The following FBRS variants were observed in gnomAD, a reference collection of about 807,000 sequenced individuals.
The protein encoded by FBRS is fibrosin.
FBRS carries 15 observed loss-of-function variants against 86.1 expected under a neutral mutation model. The observed-to-expected ratio is 0.17, with a 90% CI of 0.12 to 0.27. The LOEUF is 0.27. Among genes scored for constraint, FBRS ranks in the 10% least tolerant of loss-of-function variants. The pLI, the probability that FBRS is intolerant of heterozygous loss-of-function variation, is 1.00. For synonymous variants in FBRS, 666 were observed against 575.8 expected, an observed-to-expected ratio of 1.16 and a Z score of -2.24; for missense variants, 1,367 against 1,301.6, an observed-to-expected ratio of 1.05 and a Z score of -0.77.
chr16:30,666,668 CAG>C (rs775811863), intron 12 of FBRS, 127 bp downstream of exon 12: 78 of 1,478,956 alleles, frequency 5.3e-5, no homozygotes, highest in Middle Eastern at 1.7e-4. Flanking sequence ...TGTGGAACAG[CAG>C]AGAGTGAGGG....
In FBRS at chr16:30,660,398, G is replaced by A; in HGVS notation, c.595G>A (p.Gly199Arg). 1 of 1,261,714 alleles carries A rather than the reference G, an allele frequency of 7.9e-7. No individual in the cohort carries two copies. The highest frequency in any genetic ancestry group is 1.0e-6 in the Non-Finnish European group (1 of 994,182). 78.2% of individuals were successfully genotyped at this position (1,261,714 alleles called of 1,614,324 possible). The change falls in exon 2 of 18, where the codon GGG (glycine) becomes AGG (arginine). Residue 199 changes from glycine to arginine, a missense_variant. Physicochemically the swap from Gly to Arg is moderately radical, Grantham distance 125 (BLOSUM62 -2). Around this residue, in one of 3 missense-constraint regions of FBRS, gnomAD observed 702 missense variants for 598.7 expected, o/e 1.17. Coordinates refer to ENST00000356166, the MANE Select transcript of FBRS (RefSeq NM_001105079.3). ...TGATCGAGAGCCTGGCCGGCCCCCT[G>A]GGGATCGGGCCCGAAAATGGCCCAA... The part of the protein sequence containing the change: ...SSDREPGRPP[G>R]DRARKWPNKR...
chr16:30,661,877 T>C (rs2151266912), intron 4 of FBRS: 1 of 177,386 alleles, frequency 5.6e-6, no homozygotes, highest in East Asian at 1.6e-4. Flanking sequence ...GATGTGTGTC[T>C]TGTTTTTGTT....
chr16:30,664,419 C>T lies in FBRS; in HGVS notation c.1260C>T (p.His420=). ...PGLRPPPPPH[H]PSLFSPGPTL... is the part of the protein sequence containing the mutation. The stretch of plus-strand genomic sequence containing the variant: ...TGCGGCCCCCCCCACCACCCCACCA[C>T]CCCTCCTTGTTCTCCCCTGGCCCCA... Residue 420 remains histidine (H), a synonymous_variant, in exon 7 of 18, where the codon CAC becomes CAT. Coordinates refer to ENST00000356166, the MANE Select transcript of FBRS (RefSeq NM_001105079.3). 1 of 1,419,176 alleles carries T rather than the reference C, an allele frequency of 7.0e-7. No individual in the cohort carries two copies. Among genetic ancestry groups the T allele is most frequent in the South Asian group, 1.4e-5 (1 of 69,530 alleles). 87.9% of individuals were successfully genotyped at this position (1,419,176 alleles called of 1,614,324 possible).
Position 30,665,920 on chromosome 16 carries a change from G to C in FBRS, c.1773+214G>C. On this transcript the variant is annotated intron_variant, in intron 11 of 17. Transcript: ENST00000356166. The surrounding 1 kb of genome is among the most constrained non-coding windows in gnomAD (Gnocchi z 4.1). ...GCTTGTCCCAGAAATAGGATGATTA[G>C]GACAATGGTTTTTGTAGTGGTTTTC... is the stretch of plus-strand genomic sequence containing the variant. The C allele has an allele frequency of 1.9e-6, 1 of 537,212 alleles. No homozygotes were observed. Among genetic ancestry groups the C allele is most frequent in the Middle Eastern group, 3.9e-4 (1 of 2,574 alleles). 33.3% of individuals were successfully genotyped at this position (537,212 alleles called of 1,614,324 possible). A position where few individuals can be genotyped will look rare whatever the true frequency, so the allele number is the denominator to read the frequency against.
At chr16:30,660,517 C>A (rs1596612792) in intron 2 of FBRS, 75 bp downstream of exon 2, 1 of 1,256,864 alleles carries the variant, frequency 8.0e-7, no homozygotes, top group Non-Finnish European at 1.0e-6. Flanking sequence ...AACGCCACTG[C>A]CCCTTGTAAA....
In FBRS at chr16:30,667,581, C is replaced by G; in HGVS notation, c.2033C>G (p.Pro678Arg). 6.5e-7 allele frequency: 1 copy of G among 1,542,932 alleles called. No individual in the cohort carries two copies. Among genetic ancestry groups the G allele is most frequent in the Non-Finnish European group, 8.8e-7 (1 of 1,142,852 alleles). Residue 678 changes from proline to arginine, a missense_variant, in exon 15 of 18, where the codon CCC becomes CGC. This residue lies in a region of FBRS where 659 missense variants were observed against 678.8 expected (regional missense o/e 0.97). Transcript: ENST00000356166. ...GCAGCCAACCCTTTCACGGCAGCTCCCGGGGCCCACGGACCCTTCCTGAGC... is the reference window on the plus strand; with the variant it reads ...GCAGCCAACCCTTTCACGGCAGCTCGCGGGGCCCACGGACCCTTCCTGAGC... ...HAAANPFTAA[P>R]GAHGPFLSPS...
intron 13 of FBRS, 90 bp from the exon 14 acceptor site, chr16:30,667,230 C>A: frequency 8.7e-7 from 1 of 1,154,604 alleles, no homozygotes; most frequent in South Asian, 1.5e-5. Flanking sequence ...GGGTGCCAGC[C>A]AGCCTTTGGA....
intron 11 of FBRS, 198 bp from the exon 12 acceptor site, chr16:30,666,314 G>A: frequency 1.5e-6 from 1 of 680,260 alleles, no homozygotes; most frequent in South Asian, 1.9e-5. Flanking sequence ...CTGGGGCTTG[G>A]TTCAGAAACC....
In FBRS at chr16:30,665,139, C is replaced by A; in HGVS notation, c.1608+60C>A. On this transcript the variant is annotated intron_variant, in intron 9 of 17. Coordinates refer to ENST00000356166, the MANE Select transcript of FBRS (RefSeq NM_001105079.3). This position sits in a 1 kb window ranked among gnomAD's most constrained non-coding sequence, Gnocchi z 4.1. Reference sequence around the variant, plus strand: ...TGGTGTGGGCGTGGATGCATCCATGCTTGTGACCCTGACTGCTGGGGTCCA... The same window carrying A: ...TGGTGTGGGCGTGGATGCATCCATGATTGTGACCCTGACTGCTGGGGTCCA... The A allele has an allele frequency of 6.3e-7, 1 of 1,584,702 alleles. No homozygotes were observed. The highest frequency in any genetic ancestry group is 8.6e-7 in the Non-Finnish European group (1 of 1,166,062).
Position 30,670,239 on chromosome 16 carries a change from G to C in FBRS, c.*594G>C, listed in dbSNP as rs972779020. The C allele has an allele frequency of 4.4e-6, 2 of 457,162 alleles. No individual in the cohort carries two copies. Among genetic ancestry groups the C allele is most frequent in the African/African-American group, 2.0e-5 (1 of 50,014 alleles). 28.3% of individuals were successfully genotyped at this position (457,162 alleles called of 1,614,324 possible). A position where few individuals can be genotyped will look rare whatever the true frequency, so the allele number is the denominator to read the frequency against. On this transcript the variant is annotated 3_prime_UTR_variant, in exon 18 of 18. Transcript: ENST00000356166. The stretch of plus-strand genomic sequence containing the variant: ...TCTCTGTGGGGAAAGGGGACTGCAG[G>C]GGGAAGAGCCGGGAAGGGACAGTCA...
At chr16:30,668,439 T>C in intron 15 of FBRS, 121 bp from the exon 16 acceptor site, 5 of 821,978 alleles carry the variant, frequency 6.1e-6, no homozygotes, top group Non-Finnish European at 1.0e-5. Flanking sequence ...GCTCAGCACA[T>C]GGCTGCTGAA....
Position 30,669,858 on chromosome 16 carries a change from T to A in FBRS, c.*213T>A. On this transcript the variant is annotated 3_prime_UTR_variant, in exon 18 of 18. Coordinates refer to ENST00000356166, the MANE Select transcript of FBRS (RefSeq NM_001105079.3). This position sits in a 1 kb window ranked among gnomAD's most constrained non-coding sequence, Gnocchi z 5.9. ...CTGGGAGAGCAGAGGTCACAGCCTC[T>A]AGAGAAGGGAGAGGGGCGTGTGCAT... 1.5e-6 allele frequency: 1 copy of A among 665,572 alleles called. No individual in the cohort carries two copies. The highest frequency in any genetic ancestry group is 2.5e-6 in the Non-Finnish European group (1 of 398,964). The allele number at this position is 665,572 out of a possible 1,614,324, so 41.2% of individuals were successfully genotyped here.
At position 30,667,552 on chromosome 16, in the gene FBRS, C is replaced by T. The variant is rs539429225; in HGVS notation, c.2004C>T (p.His668=). 15 of 1,540,078 alleles carry T rather than the reference C, an allele frequency of 9.7e-6. No individual in the cohort carries two copies. The highest frequency in any genetic ancestry group is 1.7e-4 in the Middle Eastern group (1 of 5,922). Residue 668 remains histidine, a synonymous_variant, in exon 15 of 18, where the codon CAC becomes CAT. Transcript: ENST00000356166. ...ACCTCTCTGCCCCAGGTGCCGTCCA[C>T]GCTGCAGCCAACCCTTTCACGGCAG... ...ASLFTATGAV[H]AAANPFTAAP...
At position 30,662,817 on chromosome 16, in the gene FBRS, G is replaced by A. The variant is rs745635728; in HGVS notation, c.1013G>A (p.Arg338His). 2.1e-4 allele frequency: 308 copies of A among 1,471,008 alleles called. No individual in the cohort carries two copies. Among genetic ancestry groups the A allele is most frequent in the Admixed American group, 6.6e-4 (26 of 39,402 alleles). 91.1% of individuals were successfully genotyped at this position (1,471,008 alleles called of 1,614,324 possible). The change falls in exon 6 of 18, where the codon CGC becomes CAC. Residue 338 changes from arginine to histidine, a missense_variant. Physicochemically the swap from Arg to His is conservative, Grantham distance 29. Coordinates refer to ENST00000356166, the MANE Select transcript of FBRS (RefSeq NM_001105079.3). ...CTTCGGGTCTCACCCTTCGGCCTCC[G>A]CACTTCTCCATATGGCAGCAGCCTG... ...LQLRVSPFGL[R>H]TSPYGSSLDL...
Position 30,658,946 on chromosome 16 carries a change from T to TA in FBRS, c.-570dup, listed in dbSNP as rs2052418522. On this transcript the variant is annotated 5_prime_UTR_variant, in exon 1 of 18. Transcript: ENST00000356166. The stretch of plus-strand genomic sequence containing the variant: ...CACAAGAAGTCTTTTAAATTCAACT[T>TA]AAAGGGGAAGTGGCCGCTTGTGGAG... 1 of 152,034 alleles carries TA rather than the reference T, an allele frequency of 6.6e-6. No homozygotes were observed. The highest frequency in any genetic ancestry group is 2.4e-5 in the African/African-American group (1 of 41,372). The allele number at this position is 152,034 out of a possible 1,614,324, so 9.4% of individuals were successfully genotyped here.
Position 30,669,490 on chromosome 16 carries a change from G to GCTC in FBRS, c.2793_2795dup (p.Pro935dup). 1 of 1,613,226 alleles carries GCTC rather than the reference G, an allele frequency of 6.2e-7. No individual in the cohort carries two copies. The highest frequency in any genetic ancestry group is 1.6e-4 in the Middle Eastern group (1 of 6,062). On this transcript the variant is annotated inframe_insertion, in exon 18 of 18. Transcript: ENST00000356166. This position sits in a 1 kb window ranked among gnomAD's most constrained non-coding sequence, Gnocchi z 5.9. ...TCACCCCTTGCTCTACAGCCGCTTG[G>GCTC]CTCCTCCACCACCACCTGCTGCGGC...
Position 30,665,183 on chromosome 16 carries a change from A to G in FBRS, c.1608+104A>G. On this transcript the variant is annotated intron_variant, in intron 9 of 17. Transcript: ENST00000356166. This position sits in a 1 kb window ranked among gnomAD's most constrained non-coding sequence, Gnocchi z 4.1. Reference sequence around the variant, plus strand: ...GGGTCCAGTCTTCAGCACAAAAGCAAGAGCCTTGAGCCTGGGACAGCTCCC... The same window carrying G: ...GGGTCCAGTCTTCAGCACAAAAGCAGGAGCCTTGAGCCTGGGACAGCTCCC... 2 of 1,532,018 alleles carry G rather than the reference A, an allele frequency of 1.3e-6. No homozygotes were observed. Among genetic ancestry groups the G allele is most frequent in the South Asian group, 2.4e-5 (2 of 82,008 alleles). The allele number at this position is 1,532,018 out of a possible 1,614,324, so 94.9% of individuals were successfully genotyped here.
intron 1 of FBRS, 103 bp downstream of exon 1, chr16:30,660,080 C>T (rs2052438483): frequency 6.9e-7 from 1 of 1,456,744 alleles, no homozygotes; most frequent in Non-Finnish European, 9.1e-7. Flanking sequence ...GCTGGCACCC[C>T]AAACCAGAGC....
intron 4 of FBRS, 61 bp from the exon 5 acceptor site, chr16:30,662,359 T>A: frequency 1.3e-6 from 2 of 1,548,662 alleles, no homozygotes; most frequent in Admixed American, 2.0e-5. Context: ...CTATTTGGCC[T>A]TCCTGGGTGG....
Sources: allele counts gnomAD v4.1 joint callset, GRCh38; gene constraint gnomAD v4.1.1; regional missense constraint gnomAD v4.1.1; non-coding constraint Gnocchi (gnomAD v3.1); transcripts MANE v1.5; gene names NCBI Gene and HGNC (gene_info 2026-07-23, HGNC 2026-07-21).